PDE4D: variants seen among roughly 807,000 people sequenced by gnomAD.
PDE4D encodes phosphodiesterase 4D.
PDE4D carries 24 observed loss-of-function variants against 87.4 expected under a neutral mutation model. That is an observed-to-expected ratio of 0.27 (90% CI 0.20 to 0.39). PDE4D has a LOEUF of 0.39. Ranked by LOEUF, PDE4D falls within the 10% of genes least tolerant of loss-of-function variation. The probability of loss-of-function intolerance (pLI) is 1.00; values close to 1 mark genes in which losing one functional copy is unlikely to be tolerated. For missense variants in PDE4D, 714 were observed against 1,041.0 expected (o/e 0.69, Z 4.32); for synonymous variants, 384 against 383.2 (o/e 1.00, Z -0.02).
chr5:59,862,354 G>A (rs1184993774), intron 1 of PDE4D, among the ~76,000 whole-genome samples: 2 of 151,982 alleles, frequency 1.3e-5, no homozygotes, highest in African/African-American at 2.4e-5. Flanking sequence ...AAGAAAGAAG[G>A]AAAAAGTCAT....
intron 1 of PDE4D, among the ~76,000 whole-genome samples, chr5:59,397,054 C>T (rs530626508): frequency 1.6e-5 from 2 of 128,576 alleles, no homozygotes; most frequent in East Asian, 2.4e-4. Flanking sequence ...ATATATGCAC[C>T]TGCAGGAGCA....
chr5:59,711,050 G>T (rs1269607071), intron 1 of PDE4D, among the ~76,000 whole-genome samples: 9 of 152,122 alleles, frequency 5.9e-5, no homozygotes, highest in African/African-American at 1.9e-4. Flanking sequence ...CTCTTAGAGG[G>T]TTCTCTATTG....
chr5:59,468,798 G>C (rs896496552), intron 1 of PDE4D, among the ~76,000 whole-genome samples: 3 of 152,136 alleles, frequency 2.0e-5, no homozygotes, highest in Non-Finnish European at 2.9e-5. Context: ...TGAGCCAGAA[G>C]ACTTTAATCA....
chr5:59,557,875 T>C (rs1819234369), intron 1 of PDE4D, among the ~76,000 whole-genome samples: 1 of 152,112 alleles, frequency 6.6e-6, no homozygotes, highest in South Asian at 2.1e-4. Context: ...TGAGAACCTA[T>C]GGAAGGAAAA....
At chr5:59,884,787 A>T (rs1581588991) in intron 1 of PDE4D, among the ~76,000 whole-genome samples, 1 of 152,028 alleles carries the variant, frequency 6.6e-6, no homozygotes, top group Non-Finnish European at 1.5e-5. Flanking sequence ...TACATAAGAA[A>T]GTGGCTATGT....
chr5:58,976,065 C>CTGTT (rs926308290), intron 13 of PDE4D, among the ~76,000 whole-genome samples: 2 of 152,074 alleles, frequency 1.3e-5, no homozygotes, highest in African/African-American at 4.8e-5. Flanking sequence ...TTAAGAGAAA[C>CTGTT]TGTTTATGTG....
intron 3 of PDE4D, among the ~76,000 whole-genome samples, chr5:59,966,375 G>A (rs1760055787): frequency 6.6e-6 from 1 of 152,134 alleles, no homozygotes; most frequent in Non-Finnish European, 1.5e-5. Context: ...AATCCTTTCA[G>A]AGGCATTTAC....
intron 3 of PDE4D, 150 bp from the exon 4 acceptor site, chr5:59,185,412 G>A: frequency 1.7e-6 from 1 of 592,922 alleles, no homozygotes; most frequent in East Asian, 2.8e-5. Flanking sequence ...CAGTTTGTAG[G>A]TATCCACACG....
In PDE4D at chr5:58,994,325, A is replaced by T. The variant is rs116515914; in HGVS notation, c.922-860T>A. On this transcript the variant is annotated intron_variant, in intron 6 of 14. Coordinates refer to ENST00000340635, the MANE Select transcript of PDE4D (RefSeq NM_001104631.2). Reference sequence around the variant, plus strand: ...GCATTACCAGTATCCAAATCTCCCAAAGATTTTACACTTCTCCCACCCCCA... The same window carrying T: ...GCATTACCAGTATCCAAATCTCCCATAGATTTTACACTTCTCCCACCCCCA... Among the ~76,000 whole-genome samples, 1,211 of 152,218 alleles carry T rather than the reference A, an allele frequency of 8.0e-3. 11 individuals carry two copies. Among genetic ancestry groups the T allele is most frequent in the African/African-American group, 0.027 (1,106 of 41,542 alleles).
intron 2 of PDE4D, among the ~76,000 whole-genome samples, chr5:60,142,006 T>C (rs1009761457): frequency 2.0e-5 from 3 of 152,142 alleles, no homozygotes; most frequent in African/African-American, 7.2e-5. Context: ...TCCTAAACCC[T>C]GATCATCATT....
At chr5:59,700,042 C>T (rs538711866) in intron 1 of PDE4D, among the ~76,000 whole-genome samples, 19 of 152,226 alleles carry the variant, frequency 1.2e-4, no homozygotes, top group Middle Eastern at 3.4e-3. Flanking sequence ...TAGCTGGTCT[C>T]CTGGGATCCC....
chr5:59,535,851 T>C (rs868722876), intron 1 of PDE4D, among the ~76,000 whole-genome samples: 1 of 152,368 alleles, frequency 6.6e-6, no homozygotes, highest in Non-Finnish European at 1.5e-5. Context: ...AGGAAGTTTA[T>C]AAATGGCAGG....
chr5:60,061,918 A>G (rs1697046551), intron 2 of PDE4D, among the ~76,000 whole-genome samples: 1 of 152,194 alleles, frequency 6.6e-6, no homozygotes, highest in South Asian at 2.1e-4. Context: ...AATCAACTCA[A>G]GATGGATTAA....
intron 3 of PDE4D, among the ~76,000 whole-genome samples, chr5:59,904,396 T>C (rs1299041013): frequency 6.6e-6 from 1 of 152,176 alleles, no homozygotes; most frequent in African/African-American, 2.4e-5. Context: ...TCTCTCCCAC[T>C]TTGCTGGAAT....
intron 5 of PDE4D, among the ~76,000 whole-genome samples, chr5:59,044,466 C>A (rs1760280229): frequency 6.6e-6 from 1 of 152,198 alleles, no homozygotes; most frequent in Non-Finnish European, 1.5e-5. Context: ...ATACTGTCTA[C>A]AGTAGATAGA....
At chr5:59,600,429 A>T (rs1827334626) in intron 1 of PDE4D, among the ~76,000 whole-genome samples, 1 of 152,192 alleles carries the variant, frequency 6.6e-6, no homozygotes, top group Non-Finnish European at 1.5e-5. Flanking sequence ...TAAGATGGCA[A>T]AGCAGAACCT....
chr5:59,656,563 C>A (rs551485339), intron 1 of PDE4D, among the ~76,000 whole-genome samples: 29 of 152,168 alleles, frequency 1.9e-4, no homozygotes, highest in Non-Finnish European at 3.2e-4. Flanking sequence ...AAGTAGGGGT[C>A]CCTATCTCAA....
intron 1 of PDE4D, among the ~76,000 whole-genome samples, chr5:60,426,857 T>C (rs74899485): frequency 0.044 from 6,644 of 151,926 alleles, 473 homozygotes; most frequent in African/African-American, 0.15. Flanking sequence ...AAGGAGTGAA[T>C]AGAGGAGTCT....
chr5:60,457,056 T>TG (rs1406367598), intron 1 of PDE4D, among the ~76,000 whole-genome samples: 2 of 152,166 alleles, frequency 1.3e-5, no homozygotes, highest in African/African-American at 4.8e-5. Flanking sequence ...GTCAGAGCAG[T>TG]GGAGGCACAC....
Sources: gnomAD v4.1 joint callset for allele counts (sites outside exome capture counted in the v4.1 genomes callset) on GRCh38, gnomAD v4.1.1 for gene constraint, MANE v1.5 for transcripts, NCBI Gene and HGNC (gene_info 2026-07-23, HGNC 2026-07-21) for gene names.